Variants in FYB1 observed in about 807,000 individuals in gnomAD.
The protein encoded by FYB1 is FYN binding protein 1.
In FYB1, 41 loss-of-function variants were observed where a neutral mutation model predicts 94.1. The observed-to-expected ratio is 0.44, with a 90% CI of 0.34 to 0.57. The LOEUF (loss-of-function observed/expected upper bound fraction) is 0.57, where lower values mean the gene tolerates loss of function less well. Among genes scored for constraint, FYB1 ranks in the 20% least tolerant of loss-of-function variants. The pLI is 0.02. For missense variants in FYB1, 1,050 were observed against 976.8 expected (o/e 1.07, Z -1.00); for synonymous variants, 367 against 353.2 (o/e 1.04, Z -0.44).
At chr5:39,242,812 A>G (rs1288967203) in intron 1 of FYB1, among the ~76,000 whole-genome samples, 1 of 152,066 alleles carries the variant, frequency 6.6e-6, no homozygotes, top group Non-Finnish European at 1.5e-5. Flanking sequence ...CTGTTTCCTG[A>G]CTTTTTAATG....
chr5:39,200,074 A>G (rs1748179212), intron 2 of FYB1, among the ~76,000 whole-genome samples: 1 of 152,200 alleles, frequency 6.6e-6, no homozygotes, highest in South Asian at 2.1e-4. Flanking sequence ...AGGGGGTTAC[A>G]CTGATGACAG....
intron 2 of FYB1, among the ~76,000 whole-genome samples, chr5:39,167,012 T>C (rs893465293): frequency 6.6e-6 from 1 of 152,122 alleles, no homozygotes; most frequent in African/African-American, 2.4e-5. Context: ...AAACATAAGA[T>C]GATAAATCAG....
At chr5:39,126,176 C>T (rs763507672) in intron 11 of FYB1, 41 bp from the exon 12 acceptor site, 16 of 1,597,894 alleles carry the variant, frequency 1.0e-5, no homozygotes, top group African/African-American at 4.0e-5. Context: ...TAATAATCAG[C>T]GGCAAGTGAA....
intron 1 of FYB1, among the ~76,000 whole-genome samples, chr5:39,267,521 T>C (rs1424633735): frequency 6.6e-6 from 1 of 152,232 alleles, no homozygotes; most frequent in East Asian, 1.9e-4. Flanking sequence ...TGACTGTATC[T>C]GATCTCTTTC....
chr5:39,143,117 A>G (rs942452999), intron 3 of FYB1, among the ~76,000 whole-genome samples: 1 of 152,166 alleles, frequency 6.6e-6, no homozygotes, highest in Non-Finnish European at 1.5e-5. Context: ...GGCAAATTCC[A>G]TGTTGAAATC....
intron 2 of FYB1, among the ~76,000 whole-genome samples, chr5:39,177,221 A>T (rs998331912): frequency 2.6e-5 from 4 of 152,302 alleles, no homozygotes; most frequent in Admixed American, 1.3e-4. Flanking sequence ...TTGTTTCCTG[A>T]GGGCTGTGGC....
chr5:39,266,771 T>G (rs977413998), intron 1 of FYB1, among the ~76,000 whole-genome samples: 1 of 152,128 alleles, frequency 6.6e-6, no homozygotes, highest in African/African-American at 2.4e-5. Flanking sequence ...CTCTGCAACA[T>G]TTCAATAAAG....
At chr5:39,194,902 G>A (rs1236299701) in intron 2 of FYB1, among the ~76,000 whole-genome samples, 1 of 152,170 alleles carries the variant, frequency 6.6e-6, no homozygotes, top group African/African-American at 2.4e-5. Flanking sequence ...AGGGATTAAG[G>A]AGGGTGGGTG....
chr5:39,155,685 G>T (rs1276359894), intron 2 of FYB1, among the ~76,000 whole-genome samples: 2 of 151,790 alleles, frequency 1.3e-5, no homozygotes, highest in South Asian at 2.1e-4. Flanking sequence ...TTTTTTTGTT[G>T]TTGTTGTTTT....
At chr5:39,170,244 G>T in intron 2 of FYB1, 3 of 1,052,470 alleles carry the variant, frequency 2.9e-6, no homozygotes, top group Non-Finnish European at 4.3e-6. Context: ...TGGTGGTGGT[G>T]TCTTTCCTAC....
intron 3 of FYB1, among the ~76,000 whole-genome samples, chr5:39,148,155 TTATATATATATATATATATATATATATA>T (rs10528848): frequency 9.6e-4 from 36 of 37,660 alleles, no homozygotes; most frequent in Non-Finnish European, 1.3e-3. Flanking sequence ...TATGTATTTT[TTATATATATATATATATATATATATATA>T]TATATATATA....
chr5:39,251,991 A>C (rs1751731619), intron 1 of FYB1, among the ~76,000 whole-genome samples: 1 of 152,036 alleles, frequency 6.6e-6, no homozygotes, highest in Non-Finnish European at 1.5e-5. Context: ...AAAATATAAA[A>C]AAATTTAGCC....
chr5:39,268,279 G>A (rs1752519289), intron 1 of FYB1, among the ~76,000 whole-genome samples: 1 of 150,128 alleles, frequency 6.7e-6, no homozygotes, highest in Admixed American at 6.6e-5. Flanking sequence ...CTGGGTTGGA[G>A]TGTGGTGACA....
intron 3 of FYB1, among the ~76,000 whole-genome samples, chr5:39,151,228 G>T (rs751566113): frequency 6.6e-6 from 1 of 152,078 alleles, no homozygotes; most frequent in Non-Finnish European, 1.5e-5. Context: ...CCTCTGCTCC[G>T]TTTTCCCTTT....
In FYB1 at chr5:39,162,978, A is replaced by C. The variant is rs573150050; in HGVS notation, c.1136-9374T>G. Among the ~76,000 whole-genome samples the C allele has an allele frequency of 3.9e-5, 6 of 152,336 alleles. No individual in the cohort carries two copies. The South Asian group carries it at 8.3e-4, about 21-fold the overall frequency. On this transcript the variant is annotated intron_variant, in intron 2 of 18. Transcript: ENST00000512982. ...TAATTAAATAGCTGGAAAAATGAAC[A>C]TTCTCTTTTATGATTGGTATTTGAT...
chr5:39,204,300 T>A (rs1211569403), intron 1 of FYB1, among the ~76,000 whole-genome samples: 10 of 152,190 alleles, frequency 6.6e-5, no homozygotes, highest in African/African-American at 2.4e-4. Context: ...ATTCTTACAG[T>A]AGTTCTAAAA....
rs1293067525 is a variant in FYB1, at chr5:39,165,392, T to A, written c.1136-11788A>T. Among the ~76,000 whole-genome samples, 3 of 152,080 alleles carry A rather than the reference T, an allele frequency of 2.0e-5. No individual in the cohort carries two copies. The East Asian group carries it at 5.8e-4, about 29-fold the overall frequency. ...TCGACAAAAATGTACACTGGGGAAA[T>A]GATACTCTATTCAATAAATGGTGCT... On this transcript the variant is annotated intron_variant, in intron 2 of 18. Transcript: ENST00000512982.
rs1554042764 is a variant in FYB1 at position 39,231,163 on chromosome 5, A to AAAAAAAAC, written c.-27-28177_-27-28176insGTTTTTTT. The stretch of plus-strand genomic sequence containing the variant: ...AGCTCAGAGCAAAAAAAAAAAAAAC[A>AAAAAAAAC]AAAAAAAACAAAAAAAACAAAACAG... On this transcript the variant is annotated intron_variant, in intron 1 of 1. Coordinates refer to the FYB1 transcript ENST00000510188. Among the ~76,000 whole-genome samples, 269 of 118,982 alleles carry AAAAAAAAC rather than the reference A, an allele frequency of 2.3e-3. 6 individuals carry two copies. The highest frequency in any genetic ancestry group is 1.0e-3 in the Non-Finnish European group (63 of 61,878). 78.1% of individuals were successfully genotyped at this position (118,982 alleles called of 152,430 possible). A position where few individuals can be genotyped will look rare whatever the true frequency, so the allele number is the denominator to read the frequency against.
chr5:39,175,644 C>T (rs931468787), intron 2 of FYB1, among the ~76,000 whole-genome samples: 5 of 152,148 alleles, frequency 3.3e-5, no homozygotes, highest in South Asian at 4.1e-4. Flanking sequence ...AGATTTTAAA[C>T]TGCAGGCTCC....
Sources: allele counts gnomAD v4.1 joint callset (sites outside exome capture counted in the v4.1 genomes callset), GRCh38; gene constraint gnomAD v4.1.1; transcripts MANE v1.5; gene names NCBI Gene and HGNC (gene_info 2026-07-23, HGNC 2026-07-21).